Variants in DYNC1LI2 observed in about 807,000 individuals in gnomAD.
DYNC1LI2 encodes dynein cytoplasmic 1 light intermediate chain 2.
In DYNC1LI2, 19 loss-of-function variants were observed where a neutral mutation model predicts 57.8. The observed-to-expected ratio is 0.33, with a 90% confidence interval of 0.23 to 0.48. The LOEUF (loss-of-function observed/expected upper bound fraction) is 0.48, where lower values mean the gene tolerates loss of function less well. Among genes scored for constraint, DYNC1LI2 ranks in the 20% least tolerant of loss-of-function variants. The pLI, the probability that DYNC1LI2 is intolerant of heterozygous loss-of-function variation, is 0.99. For missense variants in DYNC1LI2, 470 were observed against 604.2 expected (o/e 0.78, Z 2.33); for synonymous variants, 256 against 233.4 (o/e 1.10, Z -0.88).
chr16:66,722,796 C>T lies in DYNC1LI2; in HGVS notation c.*926G>A, dbSNP rs982387820. ...TTGCATTATGGTAAAACCAGAGGTT[C>T]ATCACCTATTTTGTATTAGTTAGGC... On this transcript the variant is annotated 3_prime_UTR_variant, in exon 13 of 13. Coordinates refer to ENST00000258198, the MANE Select transcript of DYNC1LI2 (RefSeq NM_006141.3). 4.6e-5 allele frequency: 7 copies of T among 153,100 alleles called. No individual in the cohort carries two copies. The highest frequency in any genetic ancestry group is 1.7e-4 in the African/African-American group (7 of 41,446). The allele number at this position is 153,100 out of a possible 1,614,324, so 9.5% of individuals were successfully genotyped here. A position where few individuals can be genotyped will look rare whatever the true frequency, so the allele number is the denominator to read the frequency against.
intron 4 of DYNC1LI2, among the ~76,000 whole-genome samples, chr16:66,742,166 T>C (rs1338622514): frequency 6.6e-6 from 1 of 152,078 alleles, no homozygotes; most frequent in East Asian, 1.9e-4. Flanking sequence ...CTTAACACAT[T>C]TTAGGGAGTG....
intron 8 of DYNC1LI2, 106 bp from the exon 9 acceptor site, chr16:66,729,205 C>G: frequency 8.2e-7 from 1 of 1,224,942 alleles, no homozygotes; most frequent in South Asian, 1.2e-5. Flanking sequence ...CAACACAGGT[C>G]TGGGAGATCC....
At chr16:66,731,101 C>G (rs1174934036) in intron 7 of DYNC1LI2, 1 of 152,314 alleles carries the variant, frequency 6.6e-6, no homozygotes, top group Non-Finnish European at 1.5e-5. Context: ...TAACTACCAA[C>G]AGGACCAAAT....
chr16:66,745,131 A>G (rs2017912461), intron 3 of DYNC1LI2, among the ~76,000 whole-genome samples: 1 of 150,950 alleles, frequency 6.6e-6, no homozygotes, highest in Non-Finnish European at 1.5e-5. Flanking sequence ...CTAGTCTCGA[A>G]CTCCTGACCT....
chr16:66,745,851 C>G (rs2017926900), intron 3 of DYNC1LI2, among the ~76,000 whole-genome samples: 1 of 151,666 alleles, frequency 6.6e-6, no homozygotes, highest in Admixed American at 6.6e-5. Context: ...TTGCAGGGAG[C>G]TGAGATAATG....
intron 3 of DYNC1LI2, 117 bp from the exon 4 acceptor site, chr16:66,742,785 G>T: frequency 8.1e-7 from 1 of 1,232,232 alleles, no homozygotes; most frequent in Non-Finnish European, 1.1e-6. Context: ...TAAATAGAAT[G>T]CAAAATTTGG....
At chr16:66,726,610 G>A (rs139563907) in intron 11 of DYNC1LI2, among the ~76,000 whole-genome samples, 4 of 152,288 alleles carry the variant, frequency 2.6e-5, no homozygotes, top group Non-Finnish European at 5.9e-5. Context: ...CCTCGGCAAC[G>A]TAAGTGAGAC....
At chr16:66,744,282 G>C (rs189750250) in intron 3 of DYNC1LI2, among the ~76,000 whole-genome samples, 86 of 152,138 alleles carry the variant, frequency 5.7e-4, no homozygotes, top group African/African-American at 2.0e-3. Flanking sequence ...AAACTCCTAG[G>C]CTCAAGCAAT....
intron 11 of DYNC1LI2, 116 bp downstream of exon 11, chr16:66,727,572 G>A: frequency 2.1e-6 from 2 of 939,288 alleles, no homozygotes. Flanking sequence ...TCGGGGAAGA[G>A]AATAGCCTGG....
intron 3 of DYNC1LI2, among the ~76,000 whole-genome samples, chr16:66,744,224 T>C (rs945287282): frequency 1.3e-5 from 2 of 151,396 alleles, no homozygotes; most frequent in Admixed American, 6.6e-5. Flanking sequence ...GCTAATTTTT[T>C]AGTTTTTTGT....
intron 10 of DYNC1LI2, 135 bp downstream of exon 10, chr16:66,728,065 TG>T: frequency 8.2e-7 from 1 of 1,219,606 alleles, no homozygotes. Flanking sequence ...TTTCTGGTCA[TG>T]GGTCTTTAGG....
chr16:66,734,767 T>A (rs2017700915), intron 5 of DYNC1LI2, among the ~76,000 whole-genome samples: 1 of 151,884 alleles, frequency 6.6e-6, no homozygotes, highest in African/African-American at 2.4e-5. Flanking sequence ...GAGGTCAAGG[T>A]GGGCAGATCA....
rs778399175 is a variant in DYNC1LI2, at chr16:66,728,210, C to T, written c.1134G>A (p.Thr378=). 2.0e-5 allele frequency: 33 copies of T among 1,613,982 alleles called. No homozygotes were observed. The highest frequency in any genetic ancestry group is 2.5e-5 in the Non-Finnish European group (29 of 1,180,030). Residue 378 remains threonine, a synonymous_variant, in exon 10 of 13, where the codon ACG becomes ACA. Coordinates refer to ENST00000258198, the MANE Select transcript of DYNC1LI2 (RefSeq NM_006141.3). ...AGTGTAAGGTACTCACAGAAGCTCT[C>T]GTGGGAGTGGCTGGTTGCTTGGCAA... ...SLLAKQPATP[T]RASESPARGP...
rs529401278 is a variant in DYNC1LI2 at position 66,723,591 on chromosome 16, T to G, written c.*131A>C. The G allele has an allele frequency of 1.2e-5, 9 of 766,022 alleles. No individual in the cohort carries two copies. Among genetic ancestry groups the G allele is most frequent in the South Asian group, 1.1e-4 (6 of 56,396 alleles). 47.5% of individuals were successfully genotyped at this position (766,022 alleles called of 1,614,324 possible). On this transcript the variant is annotated 3_prime_UTR_variant, in exon 13 of 13. Coordinates refer to ENST00000258198, the MANE Select transcript of DYNC1LI2 (RefSeq NM_006141.3). ...CTCGGACAAGCCAATGAAGTTTTTT[T>G]TTTTTTTTTAAAGTTCATCTCCCCT...
intron 4 of DYNC1LI2, chr16:66,738,241 C>A (rs202026902): frequency 1.1e-5 from 1 of 94,456 alleles, no homozygotes; most frequent in Non-Finnish European, 2.0e-5. Context: ...TCTACAGCTT[C>A]TTTTTTTTTT....
chr16:66,734,183 T>C (rs1567451646), intron 6 of DYNC1LI2, 35 bp downstream of exon 6: 2 of 1,607,004 alleles, frequency 1.2e-6, no homozygotes, highest in Non-Finnish European at 8.5e-7. Context: ...GAAGAAAGCC[T>C]GTGACCCAGG....
intron 4 of DYNC1LI2, among the ~76,000 whole-genome samples, chr16:66,741,795 A>C (rs1366995438): frequency 6.6e-6 from 1 of 151,878 alleles, no homozygotes; most frequent in Non-Finnish European, 1.5e-5. Flanking sequence ...GAACCACATT[A>C]AGGAAAAAAA....
chr16:66,739,624 G>A (rs1302679653), intron 4 of DYNC1LI2, among the ~76,000 whole-genome samples: 1 of 151,964 alleles, frequency 6.6e-6, no homozygotes, highest in Non-Finnish European at 1.5e-5. Context: ...ACAGGGTTTC[G>A]CCATGTTGCC....
intron 3 of DYNC1LI2, among the ~76,000 whole-genome samples, 172 bp from the exon 4 acceptor site, chr16:66,742,840 C>T (rs1378618228): frequency 2.0e-5 from 3 of 152,114 alleles, no homozygotes; most frequent in Non-Finnish European, 4.4e-5. Flanking sequence ...GACAGCAATC[C>T]TTGGTCCTGG....
Sources: allele counts gnomAD v4.1 joint callset (sites outside exome capture counted in the v4.1 genomes callset), GRCh38; gene constraint gnomAD v4.1.1; transcripts MANE v1.5; gene names NCBI Gene and HGNC (gene_info 2026-07-23, HGNC 2026-07-21).